The following BCL2 variants were observed in gnomAD, a reference collection of about 807,000 sequenced individuals.
BCL2 encodes apoptosis regulator Bcl-2.
In BCL2, 1 loss-of-function variant was observed where a neutral mutation model predicts 14.2. The ratio of observed to expected loss-of-function variants is 0.07; its 90% confidence interval spans 0.02 to 0.33. The LOEUF (loss-of-function observed/expected upper bound fraction) is 0.33, where lower values mean the gene tolerates loss of function less well. Ranked by LOEUF, BCL2 falls within the 10% of genes least tolerant of loss-of-function variation. The probability of loss-of-function intolerance (pLI) is 0.99; values close to 1 mark genes in which losing one functional copy is unlikely to be tolerated. For missense variants in BCL2, 247 were observed against 305.9 expected (o/e 0.81, Z 1.44); for synonymous variants, 151 against 137.2 (o/e 1.10, Z -0.70).
chr18:63,249,642 G>A (rs979264001), intron 2 of BCL2, among the ~76,000 whole-genome samples: 8 of 150,302 alleles, frequency 5.3e-5, no homozygotes, highest in South Asian at 2.1e-4. Flanking sequence ...CCCAGGAGGC[G>A]GAAGTTGCAG....
At chr18:63,288,685 T>C (rs1912544080) in intron 2 of BCL2, among the ~76,000 whole-genome samples, 1 of 152,186 alleles carries the variant, frequency 6.6e-6, no homozygotes, top group African/African-American at 2.4e-5. Context: ...TCACAGCCAT[T>C]GGGATATGCA....
intron 2 of BCL2, among the ~76,000 whole-genome samples, chr18:63,300,175 C>T (rs1026065542): frequency 1.3e-5 from 2 of 152,114 alleles, no homozygotes; most frequent in African/African-American, 4.8e-5. Context: ...TATGCACAGA[C>T]AGAATAATTT....
intron 2 of BCL2, among the ~76,000 whole-genome samples, chr18:63,277,641 C>T (rs1443716118): frequency 7.0e-6 from 1 of 143,654 alleles, no homozygotes; most frequent in African/African-American, 2.6e-5. Flanking sequence ...AACACACATA[C>T]AAAAGTCTGG....
At chr18:63,266,633 T>TCACACACACACACACACACACACA (rs1238518850) in intron 2 of BCL2, among the ~76,000 whole-genome samples, 2 of 145,392 alleles carry the variant, frequency 1.4e-5, no homozygotes, top group African/African-American at 5.3e-5. Flanking sequence ...TCTCTCTCTC[T>TCACACACACACACACACACACACA]CTCTCACACA....
At chr18:63,132,989 G>A (rs1316001928) in intron 2 of BCL2, among the ~76,000 whole-genome samples, 1 of 152,188 alleles carries the variant, frequency 6.6e-6, no homozygotes, top group Admixed American at 6.5e-5. Context: ...CGGAAAGGCT[G>A]GCACCGGCTC....
chr18:63,281,724 GAAA>G (rs1912323153), intron 2 of BCL2, among the ~76,000 whole-genome samples: 4 of 127,850 alleles, frequency 3.1e-5, no homozygotes, highest in Admixed American at 1.6e-4. Flanking sequence ...AAGAAAGAAA[GAAA>G]GAAAGAAAGA....
At chr18:63,165,991 C>T (rs995435316) in intron 2 of BCL2, among the ~76,000 whole-genome samples, 1 of 152,222 alleles carries the variant, frequency 6.6e-6, no homozygotes, top group Non-Finnish European at 1.5e-5. Context: ...TGAAGCAAGT[C>T]CACTGTCATT....
chr18:63,317,903 T>G, intron 2 of BCL2, 179 bp downstream of exon 2: 3 of 1,422,800 alleles, frequency 2.1e-6, no homozygotes, highest in Non-Finnish European at 2.8e-6. Flanking sequence ...GCGTTATCGG[T>G]CAGGTTGGGA....
chr18:63,167,739 A>G (rs542940526), intron 2 of BCL2, among the ~76,000 whole-genome samples: 2 of 152,306 alleles, frequency 1.3e-5, no homozygotes, highest in East Asian at 3.9e-4. Flanking sequence ...TATCCTGGCC[A>G]ACATGGTGAA....
intron 2 of BCL2, among the ~76,000 whole-genome samples, chr18:63,266,470 T>C (rs1305046378): frequency 1.3e-5 from 2 of 151,832 alleles, no homozygotes; most frequent in Non-Finnish European, 1.5e-5. Context: ...GAGGCTCCTG[T>C]CACTGTATAC....
intron 2 of BCL2, among the ~76,000 whole-genome samples, chr18:63,289,102 C>G (rs1912561243): frequency 6.6e-6 from 1 of 151,912 alleles, no homozygotes; most frequent in Non-Finnish European, 1.5e-5. Flanking sequence ...AATGTGAGGC[C>G]TTTTTTTAAG....
chr18:63,263,625 A>T (rs1911726695), intron 2 of BCL2, among the ~76,000 whole-genome samples: 1 of 152,204 alleles, frequency 6.6e-6, no homozygotes, highest in Admixed American at 6.5e-5. Context: ...CAGTCACATC[A>T]TTGCATCATC....
chr18:63,311,345 CTTTG>C (rs972879919), intron 2 of BCL2, among the ~76,000 whole-genome samples: 1 of 152,142 alleles, frequency 6.6e-6, no homozygotes, highest in Non-Finnish European at 1.5e-5. Context: ...AACACTGATC[CTTTG>C]TTTGGTGCTT....
intron 2 of BCL2, among the ~76,000 whole-genome samples, chr18:63,145,258 CAA>C (rs1402018965): frequency 6.6e-6 from 1 of 152,198 alleles, no homozygotes; most frequent in Non-Finnish European, 1.5e-5. Flanking sequence ...CTTGCTGGAC[CAA>C]AAGTGGTTGT....
At chr18:63,139,848 C>CG (rs1224933444) in intron 2 of BCL2, among the ~76,000 whole-genome samples, 1 of 152,072 alleles carries the variant, frequency 6.6e-6, no homozygotes, top group Non-Finnish European at 1.5e-5. Flanking sequence ...TTCACTGTTT[C>CG]GGGGGGAAGT....
chr18:63,253,084 G>A (rs1911362227), intron 2 of BCL2, among the ~76,000 whole-genome samples: 1 of 152,226 alleles, frequency 6.6e-6, no homozygotes, highest in African/African-American at 2.4e-5. Context: ...GTTTGTTTAT[G>A]CATGGTGTAG....
At chr18:63,183,649 T>C (rs905415814) in intron 2 of BCL2, among the ~76,000 whole-genome samples, 1 of 152,140 alleles carries the variant, frequency 6.6e-6, no homozygotes, top group African/African-American at 2.4e-5. Context: ...GGGCTGGCAA[T>C]GGCATCATTC....
chr18:63,193,819 T>C (rs1909364203), intron 2 of BCL2, among the ~76,000 whole-genome samples: 2 of 152,114 alleles, frequency 1.3e-5, no homozygotes, highest in Admixed American at 1.3e-4. Flanking sequence ...ACATCTAGCA[T>C]GGTATTGAAA....
At chr18:63,195,849 C>G (rs1470313537) in intron 2 of BCL2, among the ~76,000 whole-genome samples, 2 of 152,172 alleles carry the variant, frequency 1.3e-5, no homozygotes, top group Non-Finnish European at 2.9e-5. Context: ...TGGTCTCACA[C>G]CTAGAAGTGG....
Sources: gnomAD v4.1 joint callset for allele counts (sites outside exome capture counted in the v4.1 genomes callset) on GRCh38, gnomAD v4.1.1 for gene constraint, MANE v1.5 for transcripts, NCBI Gene and HGNC (gene_info 2026-07-23, HGNC 2026-07-21) for gene names.